CBFA2T2: variants seen among roughly 807,000 people sequenced by gnomAD.
CBFA2T2 encodes CBFA2/RUNX1 partner transcriptional co-repressor 2.
In CBFA2T2, 11 loss-of-function variants were observed where a neutral mutation model predicts 62.2. The ratio of observed to expected loss-of-function variants is 0.18; its 90% CI spans 0.11 to 0.29. CBFA2T2 has a LOEUF of 0.29. Ranked by LOEUF, CBFA2T2 falls within the 10% of genes least tolerant of loss-of-function variation. CBFA2T2 has a pLI of 1.00. For synonymous variants in CBFA2T2, 295 were observed against 287.5 expected (o/e 1.03, Z -0.27); for missense variants, 592 against 774.1 (o/e 0.76, Z 2.79).
chr20:33,491,230 A>G (rs2011144379), intron 1 of CBFA2T2, among the ~76,000 whole-genome samples: 1 of 152,188 alleles, frequency 6.6e-6, no homozygotes, highest in South Asian at 2.1e-4. Flanking sequence ...TATTCACTTA[A>G]TATTTATTAA....
intron 1 of CBFA2T2, among the ~76,000 whole-genome samples, chr20:33,535,602 A>AT (rs201029926): frequency 9.4e-5 from 13 of 138,576 alleles, no homozygotes; most frequent in Admixed American, 7.4e-4. Flanking sequence ...ATTGAGTTTT[A>AT]TTTTTATTTT....
intron 1 of CBFA2T2, among the ~76,000 whole-genome samples, chr20:33,594,467 G>A (rs150576097): frequency 6.6e-6 from 1 of 152,172 alleles, no homozygotes; most frequent in East Asian, 1.9e-4. Flanking sequence ...TGATCCTCCT[G>A]CCTCGGCCTC....
chr20:33,633,427 C>T (rs1403076568), intron 8 of CBFA2T2, among the ~76,000 whole-genome samples: 2 of 151,638 alleles, frequency 1.3e-5, no homozygotes, highest in Non-Finnish European at 2.9e-5. Context: ...TGCAGAAATC[C>T]ATGGTGTGGA....
chr20:33,549,998 T>C (rs1251716486), intron 1 of CBFA2T2, among the ~76,000 whole-genome samples: 1 of 152,092 alleles, frequency 6.6e-6, no homozygotes. Flanking sequence ...GTTTTAAGTT[T>C]ATAAAATAGG....
Position 33,643,825 on chromosome 20 carries a change from ATGTGTGTGTGTG to A in CBFA2T2, c.1489-498_1489-487del, listed in dbSNP as rs58366038. ...TATATATATATATATATAGTATATA[ATGTGTGTGTGTG>A]TGTGTGTGTGTGTGTGTGTGTGTAT... On this transcript the variant is annotated intron_variant, in intron 10 of 10. Coordinates refer to ENST00000342704, the MANE Select transcript of CBFA2T2 (RefSeq NM_001032999.3). Among the ~76,000 whole-genome samples the A allele has an allele frequency of 8.4e-3, 615 of 73,300 alleles. 17 individuals are homozygous for A. Among genetic ancestry groups the A allele is most frequent in the African/African-American group, 0.034 (571 of 16,958 alleles). The allele number at this position is 73,300 out of a possible 152,430, so 48.1% of individuals were successfully genotyped here. A position where few individuals can be genotyped will look rare whatever the true frequency, so the allele number is the denominator to read the frequency against.
chr20:33,516,195 C>T (rs1283035839), intron 1 of CBFA2T2, among the ~76,000 whole-genome samples: 7 of 152,122 alleles, frequency 4.6e-5, no homozygotes, highest in Non-Finnish European at 2.9e-5. Context: ...GTCAGACGGG[C>T]ATGGTGGCTC....
At chr20:33,625,772 A>G (rs2016198065) in intron 6 of CBFA2T2, among the ~76,000 whole-genome samples, 1 of 152,110 alleles carries the variant, frequency 6.6e-6, no homozygotes, top group Admixed American at 6.5e-5. Context: ...ACATAGAGAG[A>G]CCTCATCTCT....
At chr20:33,552,281 A>C (rs557998078) in intron 1 of CBFA2T2, among the ~76,000 whole-genome samples, 2 of 152,232 alleles carry the variant, frequency 1.3e-5, no homozygotes, top group Non-Finnish European at 2.9e-5. Flanking sequence ...ATGAGACTAC[A>C]TGGAAGAATA....
intron 1 of CBFA2T2, among the ~76,000 whole-genome samples, chr20:33,510,203 CTTTTTTTCTTGTTT>C (rs2011483469): frequency 6.6e-6 from 1 of 150,594 alleles, no homozygotes; most frequent in South Asian, 2.1e-4. Context: ...GCCACTTTTT[CTTTTTTTCTTGTTT>C]TTTTTTTTTT....
chr20:33,608,459 G>T (rs1487660801), intron 2 of CBFA2T2, among the ~76,000 whole-genome samples: 1 of 152,206 alleles, frequency 6.6e-6, no homozygotes, highest in Admixed American at 6.5e-5. Context: ...AAGATGTACA[G>T]CTTTAATTGG....
At chr20:33,631,207 G>C (rs1405960132) in intron 8 of CBFA2T2, among the ~76,000 whole-genome samples, 1 of 152,178 alleles carries the variant, frequency 6.6e-6, no homozygotes, top group Non-Finnish European at 1.5e-5. Context: ...CCAGCTACTG[G>C]GGAGGTTGAG....
chr20:33,635,771 A>G (rs1023952232), intron 8 of CBFA2T2, among the ~76,000 whole-genome samples: 1 of 152,128 alleles, frequency 6.6e-6, no homozygotes. Flanking sequence ...CTAGCTACTC[A>G]AGAGGCTGAG....
chr20:33,522,670 G>C (rs2011763007), intron 1 of CBFA2T2, among the ~76,000 whole-genome samples: 1 of 152,134 alleles, frequency 6.6e-6, no homozygotes, highest in South Asian at 2.1e-4. Flanking sequence ...TTGAGCCCAG[G>C]AGTTCAAGGC....
At chr20:33,561,079 TG>T (rs2013072058) in intron 1 of CBFA2T2, among the ~76,000 whole-genome samples, 1 of 152,168 alleles carries the variant, frequency 6.6e-6, no homozygotes, top group Admixed American at 6.5e-5. Context: ...GGTTTCACCA[TG>T]TTGGCCAGGA....
chr20:33,522,555 CTGTT>C (rs772331655), intron 1 of CBFA2T2, among the ~76,000 whole-genome samples: 4 of 151,756 alleles, frequency 2.6e-5, no homozygotes, highest in Non-Finnish European at 5.9e-5. Context: ...TAGCAAGACC[CTGTT>C]TGTTTAAAAA....
At chr20:33,608,891 T>C (rs1362559767) in intron 2 of CBFA2T2, among the ~76,000 whole-genome samples, 3 of 152,218 alleles carry the variant, frequency 2.0e-5, no homozygotes, top group African/African-American at 7.2e-5. Context: ...AATTGACCTT[T>C]CTGTGAAAAC....
At chr20:33,640,006 G>A (rs2016771264) in intron 9 of CBFA2T2, among the ~76,000 whole-genome samples, 1 of 152,172 alleles carries the variant, frequency 6.6e-6, no homozygotes, top group Admixed American at 6.6e-5. Context: ...CCTGCCCACT[G>A]AAGAGCTGAT....
intron 1 of CBFA2T2, among the ~76,000 whole-genome samples, chr20:33,538,641 C>T: frequency 6.6e-6 from 1 of 152,342 alleles, no homozygotes; most frequent in Admixed American, 6.5e-5. Context: ...GCTGGGATTA[C>T]AGGCATGAGC....
intron 1 of CBFA2T2, among the ~76,000 whole-genome samples, chr20:33,526,757 A>G (rs2011899695): frequency 6.6e-6 from 1 of 152,212 alleles, no homozygotes; most frequent in Non-Finnish European, 1.5e-5. Context: ...ATTTATTACA[A>G]TAAGGGAAAT....
Sources: gnomAD v4.1 joint callset for allele counts (sites outside exome capture counted in the v4.1 genomes callset) on GRCh38, gnomAD v4.1.1 for gene constraint, MANE v1.5 for transcripts, NCBI Gene and HGNC (gene_info 2026-07-23, HGNC 2026-07-21) for gene names.